Variants in KLHL14 observed in about 807,000 individuals in gnomAD.
The protein encoded by KLHL14 is kelch-like protein 14.
In KLHL14, 22 loss-of-function variants were observed where a neutral mutation model predicts 64.3. The observed-to-expected ratio is 0.34, with a 90% CI of 0.24 to 0.49. KLHL14 has a LOEUF of 0.49. Among genes scored for constraint, KLHL14 ranks in the 20% least tolerant of loss-of-function variants. The pLI is 0.99. For synonymous variants in KLHL14, 322 were observed against 333.4 expected, an observed-to-expected ratio of 0.97 and a Z score of 0.37; for missense variants, 661 against 789.0, an observed-to-expected ratio of 0.84 and a Z score of 1.94.
At chr18:32,734,669 A>G (rs16963827) in intron 3 of KLHL14, among the ~76,000 whole-genome samples, 1 of 152,216 alleles carries the variant, frequency 6.6e-6, no homozygotes, top group Non-Finnish European at 1.5e-5. Context: ...ATAAAAATGT[A>G]TTGAGGAACA....
chr18:32,746,773 A>G (rs1018041165), intron 2 of KLHL14, among the ~76,000 whole-genome samples: 1 of 152,256 alleles, frequency 6.6e-6, no homozygotes, highest in African/African-American at 2.4e-5. Context: ...ATTAACTCAT[A>G]GAGTTAGAAG....
chr18:32,711,733 T>C (rs778671367), intron 3 of KLHL14, among the ~76,000 whole-genome samples: 13 of 152,174 alleles, frequency 8.5e-5, no homozygotes, highest in Non-Finnish European at 1.9e-4. Flanking sequence ...CATCATACCA[T>C]CATATCTTTA....
chr18:32,722,442 G>A (rs569550521), intron 3 of KLHL14, among the ~76,000 whole-genome samples: 142 of 152,242 alleles, frequency 9.3e-4, no homozygotes, highest in African/African-American at 3.3e-3. Context: ...GCAGAGCTGA[G>A]CTCTTCAAAT....
In KLHL14 at chr18:32,734,155, G is replaced by A. The variant is rs1311460763; in HGVS notation, c.1069+7773C>T. ...GTAGTATAATTATGATAGTCACATT[G>A]TGTTGTTTGAAAATTCTCTGGTTTT... On this transcript the variant is annotated intron_variant, in intron 3 of 8. Coordinates refer to ENST00000359358, the MANE Select transcript of KLHL14 (RefSeq NM_020805.3). 19 of 702,762 alleles carry A rather than the reference G, an allele frequency of 2.7e-5. No individual in the cohort carries two copies. In the Admixed American group the frequency reaches 3.4e-4, roughly 13 times the overall value. 43.5% of individuals were successfully genotyped at this position (702,762 alleles called of 1,614,324 possible).
intron 3 of KLHL14, among the ~76,000 whole-genome samples, chr18:32,703,764 C>T (rs1309111877): frequency 6.6e-6 from 1 of 152,088 alleles, no homozygotes; most frequent in Non-Finnish European, 1.5e-5. Flanking sequence ...AAATTATGAT[C>T]GTGTTATTTT....
intron 2 of KLHL14, chr18:32,744,644 C>G (rs1480341978): frequency 6.7e-6 from 1 of 148,644 alleles, no homozygotes; most frequent in Non-Finnish European, 1.5e-5. Flanking sequence ...AACTCCATCT[C>G]AAAAAAAAAA....
At chr18:32,677,021 G>T in intron 8 of KLHL14, 152 bp downstream of exon 8, 1 of 818,092 alleles carries the variant, frequency 1.2e-6, no homozygotes, top group Non-Finnish European at 1.9e-6. Context: ...CCACCAGGCT[G>T]ATCCTATTTT....
rs142055404 is a variant in KLHL14, at chr18:32,734,934, T to C, written c.1069+6994A>G. Reference sequence around the variant, plus strand: ...CGCGCACACATGCTCTTTGATGCTATGTTGCTTCCAAGACACAGTTAAAAT... The same window carrying C: ...CGCGCACACATGCTCTTTGATGCTACGTTGCTTCCAAGACACAGTTAAAAT... On this transcript the variant is annotated intron_variant, in intron 3 of 8. Transcript: ENST00000359358. Among the ~76,000 whole-genome samples, 869 of 152,332 alleles carry C rather than the reference T, an allele frequency of 5.7e-3. 8 individuals are homozygous for C. Among genetic ancestry groups the C allele is most frequent in the African/African-American group, 0.02 (834 of 41,586 alleles).
intron 3 of KLHL14, among the ~76,000 whole-genome samples, chr18:32,722,379 C>T (rs1051048058): frequency 3.3e-5 from 5 of 152,046 alleles, no homozygotes; most frequent in Non-Finnish European, 2.9e-5. Context: ...AACCAAAAAA[C>T]GAGAGAAGCT....
At chr18:32,711,497 A>T (rs751663329) in intron 3 of KLHL14, among the ~76,000 whole-genome samples, 4 of 152,188 alleles carry the variant, frequency 2.6e-5, no homozygotes, top group Non-Finnish European at 4.4e-5. Context: ...ATAGATTTGG[A>T]TTCTCATTTT....
intron 2 of KLHL14, chr18:32,744,644 C>CA (rs565463298): frequency 2.4e-4 from 35 of 148,744 alleles, no homozygotes; most frequent in South Asian, 1.1e-3. Context: ...AACTCCATCT[C>CA]AAAAAAAAAA....
intron 5 of KLHL14, among the ~76,000 whole-genome samples, chr18:32,684,213 T>G (rs377220997): frequency 2.0e-5 from 3 of 152,240 alleles, no homozygotes; most frequent in Non-Finnish European, 4.4e-5. Context: ...TCATTGGCAC[T>G]ACATTTAAAT....
chr18:32,731,521 G>C (rs2050136885), intron 3 of KLHL14, among the ~76,000 whole-genome samples: 2 of 152,092 alleles, frequency 1.3e-5, no homozygotes, highest in Admixed American at 1.3e-4. Flanking sequence ...GAGCAGAAAA[G>C]ATAGCTATTG....
At chr18:32,766,829 C>T (rs985823211) in intron 2 of KLHL14, among the ~76,000 whole-genome samples, 13 of 152,014 alleles carry the variant, frequency 8.6e-5, no homozygotes, top group African/African-American at 3.1e-4. Flanking sequence ...ACTTGGGTTC[C>T]TTTACTTTTC....
intron 3 of KLHL14, among the ~76,000 whole-genome samples, chr18:32,726,840 A>AAAG (rs2144516029): frequency 6.6e-6 from 1 of 152,282 alleles, no homozygotes; most frequent in African/African-American, 2.4e-5. Context: ...AATTCTGCTT[A>AAAG]AAGAAGCATC....
intron 3 of KLHL14, among the ~76,000 whole-genome samples, chr18:32,728,050 A>G (rs1308864237): frequency 6.6e-6 from 1 of 152,186 alleles, no homozygotes; most frequent in Non-Finnish European, 1.5e-5. Flanking sequence ...CCAATATTAT[A>G]TTCTTTCTTC....
At chr18:32,718,073 C>A (rs2050055234) in intron 3 of KLHL14, among the ~76,000 whole-genome samples, 1 of 152,148 alleles carries the variant, frequency 6.6e-6, no homozygotes, top group Non-Finnish European at 1.5e-5. Context: ...TAAATCAGAC[C>A]CTTATTATCC....
At chr18:32,764,075 T>C (rs1007196594) in intron 2 of KLHL14, among the ~76,000 whole-genome samples, 3 of 152,216 alleles carry the variant, frequency 2.0e-5, no homozygotes, top group Admixed American at 2.0e-4. Context: ...AGAAAAATAA[T>C]TGTTCACATG....
chr18:32,684,122 A>C (rs1408368908), intron 5 of KLHL14, among the ~76,000 whole-genome samples: 3 of 152,206 alleles, frequency 2.0e-5, no homozygotes, highest in Non-Finnish European at 4.4e-5. Flanking sequence ...TTAAGTTACC[A>C]AAGCATTTCT....
Sources: allele counts gnomAD v4.1 joint callset (sites outside exome capture counted in the v4.1 genomes callset), GRCh38; gene constraint gnomAD v4.1.1; transcripts MANE v1.5; gene names NCBI Gene and HGNC (gene_info 2026-07-23, HGNC 2026-07-21).